EPB41L2: variants seen among roughly 807,000 people sequenced by gnomAD.
EPB41L2 encodes band 4.1-like protein 2.
In EPB41L2, 43 loss-of-function variants were observed where a neutral mutation model predicts 113.0. The observed-to-expected ratio is 0.38, with a 90% CI of 0.30 to 0.49. EPB41L2 has a LOEUF of 0.49. Among genes scored for constraint, EPB41L2 ranks in the 20% least tolerant of loss-of-function variants. The pLI is 0.95. For missense variants in EPB41L2, 1,147 were observed against 1,223.4 expected (o/e 0.94, Z 0.93); for synonymous variants, 442 against 436.7 (o/e 1.01, Z -0.15).
chr6:131,035,267 C>T (rs1354398672), intron 1 of EPB41L2, among the ~76,000 whole-genome samples: 1 of 152,198 alleles, frequency 6.6e-6, no homozygotes, highest in East Asian at 1.9e-4. Context: ...GATGCTATCG[C>T]AAACTCTTAC....
At chr6:130,903,524 G>A (rs368200005) in intron 6 of EPB41L2, among the ~76,000 whole-genome samples, 1 of 151,950 alleles carries the variant, frequency 6.6e-6, no homozygotes, top group Admixed American at 6.6e-5. Flanking sequence ...CAACAAAACT[G>A]GCCCAGCAGA....
intron 1 of EPB41L2, among the ~76,000 whole-genome samples, chr6:131,029,605 A>C (rs1791644088): frequency 6.6e-6 from 1 of 152,192 alleles, no homozygotes; most frequent in African/African-American, 2.4e-5. Flanking sequence ...AATTCCAGAA[A>C]TTAAAAGTTC....
intron 1 of EPB41L2, among the ~76,000 whole-genome samples, chr6:131,011,524 A>G (rs1227141618): frequency 6.6e-6 from 1 of 152,202 alleles, no homozygotes; most frequent in Non-Finnish European, 1.5e-5. Context: ...CTATTTACAA[A>G]TCAACACTTG....
intron 19 of EPB41L2, among the ~76,000 whole-genome samples, chr6:130,846,335 T>A (rs1365770583): frequency 6.6e-6 from 1 of 152,224 alleles, no homozygotes; most frequent in African/African-American, 2.4e-5. Context: ...CAGTTTTGAC[T>A]TATGATAAAT....
At chr6:130,957,817 A>G (rs1488024140) in intron 1 of EPB41L2, among the ~76,000 whole-genome samples, 1 of 152,222 alleles carries the variant, frequency 6.6e-6, no homozygotes, top group Non-Finnish European at 1.5e-5. Context: ...CACTAATTCT[A>G]GAGCATTTTC....
At position 130,870,078 on chromosome 6, in the gene EPB41L2, C is replaced by T. The variant is rs756818186; in HGVS notation, c.2092G>A (p.Val698Ile). Reference sequence around the variant, plus strand: ...GTGATTACTCTTTCGTCTTTCCCAACCTCTGCCCGCTTCTTCTCCTCCACT... The same window carrying T: ...GTGATTACTCTTTCGTCTTTCCCAATCTCTGCCCGCTTCTTCTCCTCCACT... Reference protein sequence around the residue: ...NIVEEKKRAEVGKDERVITEE... With the variant: ...NIVEEKKRAEIGKDERVITEE... Residue 698 changes from valine to isoleucine, a missense_variant, in exon 15 of 20, where the codon GTT becomes ATT. Transcript: ENST00000337057. The T allele has an allele frequency of 8.7e-6, 14 of 1,613,850 alleles. No homozygotes were observed. In the South Asian group the frequency reaches 1.1e-4, roughly 13 times the overall value.
At chr6:130,894,587 A>T in intron 9 of EPB41L2, 146 bp from the exon 10 acceptor site, 3 of 698,516 alleles carry the variant, frequency 4.3e-6, no homozygotes, top group Non-Finnish European at 7.1e-6. Context: ...AATCATATAA[A>T]GATGAATTTC....
intron 1 of EPB41L2, among the ~76,000 whole-genome samples, chr6:131,013,784 A>T (rs1310203705): frequency 6.6e-6 from 1 of 152,176 alleles, no homozygotes; most frequent in Non-Finnish European, 1.5e-5. Context: ...TAGCATTAAG[A>T]AAGGGCCCCA....
intron 1 of EPB41L2, among the ~76,000 whole-genome samples, chr6:131,056,731 T>C (rs1797669516): frequency 6.6e-6 from 1 of 152,220 alleles, no homozygotes; most frequent in Non-Finnish European, 1.5e-5. Flanking sequence ...GAGGTAGGTA[T>C]GATTTTTAAC....
intron 5 of EPB41L2, among the ~76,000 whole-genome samples, chr6:130,908,618 T>G (rs928770742): frequency 5.9e-5 from 9 of 152,192 alleles, no homozygotes; most frequent in Admixed American, 2.0e-4. Flanking sequence ...TATTTAGGAA[T>G]GTGAGTCTAG....
intron 18 of EPB41L2, among the ~76,000 whole-genome samples, chr6:130,860,778 C>T (rs1432720154): frequency 6.6e-6 from 1 of 152,118 alleles, no homozygotes; most frequent in Non-Finnish European, 1.5e-5. Context: ...TCATGATCTG[C>T]CCGCCTCGGC....
chr6:130,959,533 C>T (rs1390304387), intron 1 of EPB41L2, among the ~76,000 whole-genome samples: 1 of 152,276 alleles, frequency 6.6e-6, no homozygotes, highest in East Asian at 1.9e-4. Flanking sequence ...AGCAATGCTA[C>T]GTAAGAGGGA....
chr6:131,008,086 G>A (rs1179341283), intron 1 of EPB41L2, among the ~76,000 whole-genome samples: 1 of 152,252 alleles, frequency 6.6e-6, no homozygotes, highest in Non-Finnish European at 1.5e-5. Flanking sequence ...TGTCTCCAGG[G>A]TATGTGAGAG....
At chr6:130,898,826 T>G (rs904590243) in intron 8 of EPB41L2, among the ~76,000 whole-genome samples, 1 of 152,186 alleles carries the variant, frequency 6.6e-6, no homozygotes, top group African/African-American at 2.4e-5. Context: ...TTAAATAACT[T>G]TTAAAATTAT....
intron 3 of EPB41L2, among the ~76,000 whole-genome samples, chr6:130,949,675 A>G (rs1814165589): frequency 6.6e-6 from 1 of 152,028 alleles, no homozygotes; most frequent in Admixed American, 6.6e-5. Flanking sequence ...TTAAAACTGA[A>G]TGGTAATGAA....
rs114944886 is a variant in EPB41L2 at position 130,922,325 on chromosome 6, T to C, written c.810+4280A>G. On this transcript the variant is annotated intron_variant, in intron 4 of 19. Transcript: ENST00000337057. Reference sequence around the variant, plus strand: ...TTACAATGTCCTTCAACACACTATGTTTAAAGTCTTGCAAGGTGACTTTCA... The same window carrying C: ...TTACAATGTCCTTCAACACACTATGCTTAAAGTCTTGCAAGGTGACTTTCA... Among the ~76,000 whole-genome samples the C allele has an allele frequency of 1.5e-3, 223 of 152,326 alleles. 2 individuals are homozygous for C. The highest frequency in any genetic ancestry group is 5.0e-3 in the African/African-American group (207 of 41,576).
intron 15 of EPB41L2, among the ~76,000 whole-genome samples, 169 bp downstream of exon 15, chr6:130,869,394 C>A (rs568269919): frequency 6.6e-6 from 1 of 152,082 alleles, no homozygotes; most frequent in African/African-American, 2.4e-5. Context: ...ATGAACTGGG[C>A]GGGCAGAAAA....
intron 1 of EPB41L2, among the ~76,000 whole-genome samples, chr6:131,003,130 C>A (rs1182931673): frequency 2.7e-5 from 4 of 150,606 alleles, no homozygotes; most frequent in Non-Finnish European, 5.9e-5. Context: ...TTATAAAATT[C>A]TACATTTAAA....
In EPB41L2 at chr6:130,873,522, G is replaced by A. The variant is rs578007529; in HGVS notation, c.2044-3396C>T. Among the ~76,000 whole-genome samples, 15 of 148,030 alleles carry A rather than the reference G, an allele frequency of 1.0e-4. 1 individual carries two copies. The highest frequency in any genetic ancestry group is 3.8e-4 in the African/African-American group (15 of 39,898). On this transcript the variant is annotated intron_variant, in intron 14 of 19. Transcript: ENST00000337057. ...TCTGTCACTCAGGCTGGAGTGCAGTGTGCCGCGATCTCGGCTCACTGCAAC... is the reference window on the plus strand; with the variant it reads ...TCTGTCACTCAGGCTGGAGTGCAGTATGCCGCGATCTCGGCTCACTGCAAC...
Sources: allele counts gnomAD v4.1 joint callset (sites outside exome capture counted in the v4.1 genomes callset), GRCh38; gene constraint gnomAD v4.1.1; transcripts MANE v1.5; gene names NCBI Gene and HGNC (gene_info 2026-07-23, HGNC 2026-07-21).